REEP1: variants seen among roughly 807,000 people sequenced by gnomAD.
The protein encoded by REEP1 is receptor expression-enhancing protein 1.
A neutral mutation model predicts 40.3 loss-of-function variants in REEP1; 22 were observed. That is an observed-to-expected ratio of 0.55 (90% CI 0.39 to 0.78). REEP1 has a LOEUF of 0.78. Among genes scored for constraint, REEP1 ranks in the 30% least tolerant of loss-of-function variants. REEP1 has a pLI of 0.00. For synonymous variants in REEP1, 116 were observed against 139.2 expected, an observed-to-expected ratio of 0.83 and a Z score of 1.17; for missense variants, 280 against 361.1, an observed-to-expected ratio of 0.78 and a Z score of 1.82.
intron 6 of REEP1, among the ~76,000 whole-genome samples, chr2:86,231,492 T>C (rs1178955201): frequency 6.6e-6 from 1 of 152,214 alleles, no homozygotes; most frequent in East Asian, 1.9e-4. Context: ...TGCCTTCCTG[T>C]TGATGGCTAA....
chr2:86,328,557 T>C (rs1680618977), intron 1 of REEP1, among the ~76,000 whole-genome samples: 1 of 152,204 alleles, frequency 6.6e-6, no homozygotes, highest in African/African-American at 2.4e-5. Context: ...CGGGCACCTG[T>C]AGTCCCGGCT....
At chr2:86,277,555 CAAA>C (rs546202828) in intron 2 of REEP1, among the ~76,000 whole-genome samples, 4 of 118,216 alleles carry the variant, frequency 3.4e-5, no homozygotes, top group Admixed American at 1.7e-4. Flanking sequence ...GACTCTGTAT[CAAA>C]AAAAAAAAAA....
At chr2:86,245,964 C>T (rs372939599) in intron 5 of REEP1, among the ~76,000 whole-genome samples, 1 of 152,054 alleles carries the variant, frequency 6.6e-6, no homozygotes, top group African/African-American at 2.4e-5. Context: ...CGGGGTTTCA[C>T]CATGTTAGCC....
Position 86,337,299 on chromosome 2 carries a change from C to T in REEP1, c.32+180G>A. On this transcript the variant is annotated intron_variant, in intron 1 of 8. Transcript: ENST00000538924. This position sits in a 1 kb window ranked among gnomAD's most constrained non-coding sequence, Gnocchi z 5.8. ...CCGGCTGCCTCCTGGGCAGCAGCCG[C>T]GTCCTGCGCCGCCCGTCCGCCCGCA... 1 of 331,622 alleles carries T rather than the reference C, an allele frequency of 3.0e-6. No homozygotes were observed. Among genetic ancestry groups the T allele is most frequent in the Non-Finnish European group, 5.2e-6 (1 of 194,100 alleles). 20.5% of individuals were successfully genotyped at this position (331,622 alleles called of 1,614,324 possible).
At chr2:86,264,462 T>A (rs1677039651) in intron 2 of REEP1, among the ~76,000 whole-genome samples, 1 of 151,982 alleles carries the variant, frequency 6.6e-6, no homozygotes, top group Admixed American at 6.6e-5. Flanking sequence ...CTTTTATCTC[T>A]CCCATGTGAC....
chr2:86,283,113 T>C (rs984077939), intron 1 of REEP1, among the ~76,000 whole-genome samples: 6 of 152,170 alleles, frequency 3.9e-5, no homozygotes, highest in African/African-American at 1.2e-4. Flanking sequence ...ACTACACTCA[T>C]AGCACAGTGT....
intron 1 of REEP1, among the ~76,000 whole-genome samples, chr2:86,305,394 C>G (rs1468903660): frequency 6.6e-6 from 1 of 152,214 alleles, no homozygotes; most frequent in Non-Finnish European, 1.5e-5. Flanking sequence ...TGGTCTGCAC[C>G]AGCTGAGCAA....
At chr2:86,230,036 G>A (rs192198278) in intron 6 of REEP1, among the ~76,000 whole-genome samples, 30 of 152,158 alleles carry the variant, frequency 2.0e-4, no homozygotes, top group African/African-American at 5.6e-4. Context: ...TCATAGGTGC[G>A]GAGGCCAAGG....
chr2:86,263,807 G>A (rs1163359801), intron 3 of REEP1, among the ~76,000 whole-genome samples, 158 bp downstream of exon 3: 1 of 152,168 alleles, frequency 6.6e-6, no homozygotes, highest in African/African-American at 2.4e-5. Context: ...GAACAACTTT[G>A]TGGACTAATC....
At chr2:86,243,686 T>G (rs1392098956) in intron 5 of REEP1, among the ~76,000 whole-genome samples, 1 of 152,202 alleles carries the variant, frequency 6.6e-6, no homozygotes, top group East Asian at 1.9e-4. Flanking sequence ...TTGACTAATA[T>G]TTGGGAGACT....
intron 1 of REEP1, among the ~76,000 whole-genome samples, chr2:86,286,020 C>T (rs1558915078): frequency 6.6e-6 from 1 of 152,122 alleles, no homozygotes; most frequent in Admixed American, 6.5e-5. Flanking sequence ...AGCTCTGCGC[C>T]CACCCTCTCT....
chr2:86,312,788 A>G (rs1679821454), intron 1 of REEP1, among the ~76,000 whole-genome samples: 1 of 152,282 alleles, frequency 6.6e-6, no homozygotes, highest in Admixed American at 6.5e-5. Context: ...AACATCTGAC[A>G]TAAAGCATAC....
chr2:86,320,951 T>G (rs144675727), intron 1 of REEP1, among the ~76,000 whole-genome samples: 4,586 of 152,320 alleles, frequency 0.03, 119 homozygotes, highest in East Asian at 0.069. Context: ...CCTGAGTAGC[T>G]GGGATTACAG....
chr2:86,298,706 G>A (rs953674950), intron 1 of REEP1, among the ~76,000 whole-genome samples: 13 of 152,326 alleles, frequency 8.5e-5, no homozygotes, highest in Non-Finnish European at 1.5e-4. Flanking sequence ...CTCAAACAAC[G>A]GTGCGCAGAG....
At chr2:86,323,070 C>T (rs959342055) in intron 1 of REEP1, among the ~76,000 whole-genome samples, 2 of 152,126 alleles carry the variant, frequency 1.3e-5, no homozygotes, top group Non-Finnish European at 2.9e-5. Flanking sequence ...CAGTGGCGTA[C>T]ACCTGTGGTC....
intron 1 of REEP1, among the ~76,000 whole-genome samples, chr2:86,331,884 T>C (rs928287409): frequency 6.6e-6 from 1 of 152,182 alleles, no homozygotes; most frequent in Non-Finnish European, 1.5e-5. Context: ...CCTTCCCCAC[T>C]GAGCCTAACT....
intron 1 of REEP1, among the ~76,000 whole-genome samples, chr2:86,307,616 C>G (rs539459457): frequency 6.6e-6 from 1 of 152,148 alleles, no homozygotes; most frequent in South Asian, 2.1e-4. Flanking sequence ...TAAAAATCAG[C>G]TGGGCGTGGT....
chr2:86,246,225 C>T (rs1274670712), intron 5 of REEP1, among the ~76,000 whole-genome samples: 1 of 152,164 alleles, frequency 6.6e-6, no homozygotes, highest in Non-Finnish European at 1.5e-5. Context: ...AATAACAAAG[C>T]ATTGTTCTGT....
At chr2:86,257,535 A>G (rs1040241656) in intron 3 of REEP1, among the ~76,000 whole-genome samples, 1 of 152,086 alleles carries the variant, frequency 6.6e-6, no homozygotes, top group Non-Finnish European at 1.5e-5. Context: ...AGCATTCTAT[A>G]CACCCGTTAC....
Sources: allele counts gnomAD v4.1 joint callset (sites outside exome capture counted in the v4.1 genomes callset), GRCh38; gene constraint gnomAD v4.1.1; non-coding constraint Gnocchi (gnomAD v3.1); transcripts MANE v1.5; gene names NCBI Gene and HGNC (gene_info 2026-07-23, HGNC 2026-07-21).